Variants in LRP1B observed in about 807,000 individuals in gnomAD.
The protein encoded by LRP1B is low-density lipoprotein receptor-related protein 1B.
In LRP1B, 217 loss-of-function variants were observed where a neutral mutation model predicts 556.6. That is an observed-to-expected ratio of 0.39 (90% CI 0.35 to 0.44). The LOEUF (loss-of-function observed/expected upper bound fraction) is 0.44. Among genes scored for constraint, LRP1B ranks in the 20% least tolerant of loss-of-function variants. The pLI is 1.00. For missense variants in LRP1B, 5,053 were observed against 5,620.8 expected, an observed-to-expected ratio of 0.90 and a Z score of 3.23; for synonymous variants, 2,047 against 1,865.8, an observed-to-expected ratio of 1.10 and a Z score of -2.50.
At chr2:142,028,724 T>C (rs1217433872) in intron 1 of LRP1B, among the ~76,000 whole-genome samples, 1 of 151,970 alleles carries the variant, frequency 6.6e-6, no homozygotes, top group Non-Finnish European at 1.5e-5. Context: ...ATTTTGACTT[T>C]ATATAAGAAA....
At chr2:140,445,159 A>G (rs1032786630) in intron 63 of LRP1B, among the ~76,000 whole-genome samples, 1 of 151,610 alleles carries the variant, frequency 6.6e-6, no homozygotes, top group African/African-American at 2.4e-5. Context: ...TCTGTCGCCC[A>G]GTCTGGAGTG....
intron 52 of LRP1B, 93 bp from the exon 53 acceptor site, chr2:140,507,011 A>G: frequency 7.6e-7 from 1 of 1,311,128 alleles, no homozygotes; most frequent in Non-Finnish European, 1.0e-6. Flanking sequence ...AATCATATCC[A>G]ATAATTCATA....
chr2:141,828,108 TA>T (rs1558903021), intron 1 of LRP1B, among the ~76,000 whole-genome samples: 1 of 152,018 alleles, frequency 6.6e-6, no homozygotes, highest in Non-Finnish European at 1.5e-5. Context: ...GCATCAAAAT[TA>T]ATCTATTTAA....
chr2:141,853,147 G>T (rs1186060458), intron 1 of LRP1B, among the ~76,000 whole-genome samples: 2 of 151,518 alleles, frequency 1.3e-5, no homozygotes, highest in Non-Finnish European at 3.0e-5. Flanking sequence ...TAAACTCATG[G>T]ATTTAATATC....
intron 48 of LRP1B, 103 bp downstream of exon 48, chr2:140,526,133 TA>T: frequency 1.5e-6 from 2 of 1,364,834 alleles, no homozygotes; most frequent in Non-Finnish European, 1.0e-6. Context: ...AGGGGTTAAT[TA>T]CATACCAATT....
At chr2:141,671,678 A>C (rs1414518620) in intron 2 of LRP1B, among the ~76,000 whole-genome samples, 1 of 152,110 alleles carries the variant, frequency 6.6e-6, no homozygotes, top group Non-Finnish European at 1.5e-5. Flanking sequence ...TTAAACCATC[A>C]CTCAGAGTAG....
chr2:141,805,375 G>C (rs1344941020), intron 2 of LRP1B: 1 of 152,086 alleles, frequency 6.6e-6, no homozygotes, highest in African/African-American at 2.4e-5. Context: ...CCCCTATTCA[G>C]TTAAGTCACT....
At chr2:141,564,833 T>G (rs1559143651) in intron 2 of LRP1B, among the ~76,000 whole-genome samples, 1 of 152,066 alleles carries the variant, frequency 6.6e-6, no homozygotes, top group Non-Finnish European at 1.5e-5. Flanking sequence ...ATGAGTTTAT[T>G]TTTCTAAGTA....
chr2:141,658,395 C>T (rs990696530), intron 2 of LRP1B, among the ~76,000 whole-genome samples: 3 of 152,126 alleles, frequency 2.0e-5, no homozygotes, highest in South Asian at 2.1e-4. Context: ...CCAGTGCTTA[C>T]AAGAGCTAAG....
At chr2:140,412,169 C>T (rs749959329) in intron 66 of LRP1B, among the ~76,000 whole-genome samples, 1 of 152,078 alleles carries the variant, frequency 6.6e-6, no homozygotes, top group African/African-American at 2.4e-5. Flanking sequence ...ACTGTCTTAA[C>T]TAGGAATGAC....
chr2:141,543,153 T>C (rs1489303240), intron 2 of LRP1B, among the ~76,000 whole-genome samples: 2 of 152,140 alleles, frequency 1.3e-5, no homozygotes, highest in Non-Finnish European at 2.9e-5. Context: ...GAGAGGAATC[T>C]GTGTAGTCAG....
In LRP1B at chr2:141,798,705, CAAAAAAAAAAA is replaced by C. The variant is rs151310050; in HGVS notation, c.205+11563_205+11573del. Among the ~76,000 whole-genome samples the C allele has an allele frequency of 9.7e-5, 6 of 62,108 alleles. No individual in the cohort carries two copies. The East Asian group carries it at 2.2e-3, about 23-fold the overall frequency. 40.7% of individuals were successfully genotyped at this position (62,108 alleles called of 152,430 possible). A position where few individuals can be genotyped will look rare whatever the true frequency, so the allele number is the denominator to read the frequency against. On this transcript the variant is annotated intron_variant, in intron 2 of 90. Coordinates refer to ENST00000389484, the MANE Select transcript of LRP1B (RefSeq NM_018557.3). The stretch of plus-strand genomic sequence containing the variant: ...CTGGCAACAGAGTAAGACTCTGTCT[CAAAAAAAAAAA>C]AAAAAAAAAAAAAGAATATATTTTA...
intron 32 of LRP1B, among the ~76,000 whole-genome samples, chr2:140,793,445 CCTT>C (rs1690192360): frequency 6.6e-6 from 1 of 151,876 alleles, no homozygotes; most frequent in Admixed American, 6.6e-5. Flanking sequence ...ACTATTCTGT[CCTT>C]ATTATTAAAA....
At chr2:141,303,512 T>C (rs1686470412) in intron 3 of LRP1B, among the ~76,000 whole-genome samples, 1 of 152,170 alleles carries the variant, frequency 6.6e-6, no homozygotes, top group Non-Finnish European at 1.5e-5. Flanking sequence ...ATTTTTAGCT[T>C]TCACATATGA....
rs1243128416 is a variant in LRP1B, at chr2:141,758,069, C to T, written c.205+52210G>A. ...GCATTTACAAATTATGCAAATTCGA[C>T]AGCTGTAGTTTATGCAAATCATATG... On this transcript the variant is annotated intron_variant, in intron 2 of 90. Transcript: ENST00000389484. Among the ~76,000 whole-genome samples the T allele has an allele frequency of 8.5e-5, 13 of 152,132 alleles. 1 individual carries two copies. The highest frequency in any genetic ancestry group is 8.5e-4 in the Admixed American group (13 of 15,286).
chr2:140,418,792 G>A (rs533834756), intron 66 of LRP1B, among the ~76,000 whole-genome samples: 30 of 152,100 alleles, frequency 2.0e-4, no homozygotes, highest in Middle Eastern at 6.8e-3. Context: ...TAAAGTGCAC[G>A]AAAAATGTAA....
At chr2:141,741,438 T>C (rs1464385063) in intron 2 of LRP1B, among the ~76,000 whole-genome samples, 1 of 152,050 alleles carries the variant, frequency 6.6e-6, no homozygotes, top group Non-Finnish European at 1.5e-5. Context: ...GCATTCCCTT[T>C]TCTCCACTTC....
intron 9 of LRP1B, 119 bp from the exon 10 acceptor site, chr2:141,055,378 T>G: frequency 2.1e-6 from 2 of 935,580 alleles, no homozygotes; most frequent in Admixed American, 2.7e-5. Flanking sequence ...AAATTTTGTA[T>G]ACTCAACTAT....
At chr2:140,459,999 A>G (rs1296734925) in intron 60 of LRP1B, among the ~76,000 whole-genome samples, 1 of 152,202 alleles carries the variant, frequency 6.6e-6, no homozygotes, top group Non-Finnish European at 1.5e-5. Context: ...TGGGTCAATT[A>G]AACATTTTTT....
Sources: allele counts gnomAD v4.1 joint callset (sites outside exome capture counted in the v4.1 genomes callset), GRCh38; gene constraint gnomAD v4.1.1; transcripts MANE v1.5; gene names NCBI Gene and HGNC (gene_info 2026-07-23, HGNC 2026-07-21).